Variants in SPOCK1 observed in about 807,000 individuals in gnomAD.
The protein encoded by SPOCK1 is SPARC (osteonectin), cwcv and kazal like domains proteoglycan 1, also known as testican-1.
A neutral mutation model predicts 55.3 loss-of-function variants in SPOCK1; 23 were observed. That is an observed-to-expected ratio of 0.42 (90% CI 0.30 to 0.59). SPOCK1 has a LOEUF of 0.59. SPOCK1 is among the 20% of genes least tolerant of loss of function. SPOCK1 has a pLI of 0.22. For missense variants in SPOCK1, 499 were observed against 552.5 expected (o/e 0.90, Z 0.97); for synonymous variants, 226 against 221.0 (o/e 1.02, Z -0.20).
chr5:137,289,865 T>C (rs1000439385), intron 2 of SPOCK1, among the ~76,000 whole-genome samples: 1 of 152,080 alleles, frequency 6.6e-6, no homozygotes, highest in African/African-American at 2.4e-5. Flanking sequence ...ACAGAAAGTA[T>C]GAATAGGCAC....
At chr5:137,043,341 A>C (rs1398234705) in intron 6 of SPOCK1, among the ~76,000 whole-genome samples, 4 of 152,204 alleles carry the variant, frequency 2.6e-5, no homozygotes, top group Non-Finnish European at 5.9e-5. Context: ...AAAAGAGATA[A>C]ATCTCTCATG....
chr5:137,112,598 C>T (rs759022386), intron 4 of SPOCK1, 37 bp from the exon 5 acceptor site: 31 of 1,605,300 alleles, frequency 1.9e-5, no homozygotes, highest in Non-Finnish European at 2.5e-5. Context: ...TTAGTTGAAG[C>T]TCCAGACCCT....
chr5:137,353,495 C>A (rs1750726172), intron 2 of SPOCK1, among the ~76,000 whole-genome samples: 1 of 152,126 alleles, frequency 6.6e-6, no homozygotes, highest in African/African-American at 2.4e-5. Context: ...CTCTGCTGAC[C>A]CCACACCTGC....
intron 2 of SPOCK1, among the ~76,000 whole-genome samples, chr5:137,325,787 G>C (rs140925804): frequency 6.6e-6 from 1 of 152,334 alleles, no homozygotes; most frequent in African/African-American, 2.4e-5. Flanking sequence ...TCCACAGAGT[G>C]ATGGGCAGTG....
chr5:137,255,968 G>C (rs1006891267), intron 3 of SPOCK1, among the ~76,000 whole-genome samples: 2 of 152,156 alleles, frequency 1.3e-5, no homozygotes, highest in Non-Finnish European at 2.9e-5. Flanking sequence ...ACTGTACACA[G>C]CACCCATCCT....
At chr5:137,321,741 G>C (rs939060437) in intron 2 of SPOCK1, among the ~76,000 whole-genome samples, 1 of 152,050 alleles carries the variant, frequency 6.6e-6, no homozygotes, top group African/African-American at 2.4e-5. Context: ...AGCCAGGCAT[G>C]GTAGCAGGTG....
intron 5 of SPOCK1, among the ~76,000 whole-genome samples, chr5:137,108,008 G>A (rs769982090): frequency 2.6e-5 from 4 of 152,126 alleles, no homozygotes; most frequent in African/African-American, 7.2e-5. Flanking sequence ...CTACACATGC[G>A]TCATGGTCTC....
intron 4 of SPOCK1, among the ~76,000 whole-genome samples, chr5:137,124,217 A>G (rs1580763135): frequency 1.3e-5 from 2 of 152,314 alleles, no homozygotes; most frequent in East Asian, 3.9e-4. Context: ...GCATATTTCA[A>G]TTAGTTTGCA....
At chr5:137,498,234 C>T in intron 2 of SPOCK1, 139 bp downstream of exon 2, 1 of 875,134 alleles carries the variant, frequency 1.1e-6, no homozygotes, top group Non-Finnish European at 1.5e-6. Context: ...CGACCAGCCC[C>T]CGCGGGAGAT....
At chr5:137,304,285 G>A (rs1757662481) in intron 2 of SPOCK1, among the ~76,000 whole-genome samples, 1 of 152,050 alleles carries the variant, frequency 6.6e-6, no homozygotes, top group African/African-American at 2.4e-5. Context: ...GCAATGTTCT[G>A]TTTATCTCTG....
At chr5:137,232,051 G>GT (rs1238352285) in intron 3 of SPOCK1, among the ~76,000 whole-genome samples, 1 of 152,090 alleles carries the variant, frequency 6.6e-6, no homozygotes, top group African/African-American at 2.4e-5. Context: ...AGATTGGCTT[G>GT]TTTTTTCACT....
At chr5:137,381,105 G>A (rs185067221) in intron 2 of SPOCK1, among the ~76,000 whole-genome samples, 17 of 151,516 alleles carry the variant, frequency 1.1e-4, no homozygotes, top group East Asian at 5.8e-4. Flanking sequence ...CAGGCCTCAC[G>A]CAAGTCCAAA....
rs115776985 is a variant in SPOCK1 at position 137,474,315 on chromosome 5, C to T, written c.186+24058G>A. On this transcript the variant is annotated intron_variant, in intron 2 of 10. Coordinates refer to ENST00000394945, the MANE Select transcript of SPOCK1 (RefSeq NM_004598.4). ...GTAATTCCTAGACTCTTGTATACAC[C>T]GTAGAATACAATAAATAAGTAAATG... is the stretch of plus-strand genomic sequence containing the variant. Among the ~76,000 whole-genome samples, 1,115 of 151,940 alleles carry T rather than the reference C, an allele frequency of 7.3e-3. 11 individuals carry two copies. The highest frequency in any genetic ancestry group is 0.025 in the African/African-American group (1,044 of 41,422).
intron 5 of SPOCK1, among the ~76,000 whole-genome samples, chr5:137,109,837 C>A (rs184125503): frequency 7.6e-4 from 115 of 152,308 alleles, no homozygotes; most frequent in African/African-American, 2.6e-3. Context: ...TAAAACAAGT[C>A]TCTCTCCAAC....
At chr5:137,137,995 A>G (rs1754021746) in intron 4 of SPOCK1, among the ~76,000 whole-genome samples, 1 of 152,138 alleles carries the variant, frequency 6.6e-6, no homozygotes, top group Admixed American at 6.5e-5. Flanking sequence ...ATACTCTGCA[A>G]GGATTCATAA....
At chr5:137,111,588 C>T (rs1412767512) in intron 5 of SPOCK1, among the ~76,000 whole-genome samples, 2 of 152,068 alleles carry the variant, frequency 1.3e-5, no homozygotes, top group African/African-American at 4.8e-5. Flanking sequence ...CTATGATTTC[C>T]CTTTAGTTCA....
At chr5:137,098,214 G>A (rs1753191664) in intron 5 of SPOCK1, among the ~76,000 whole-genome samples, 1 of 152,198 alleles carries the variant, frequency 6.6e-6, no homozygotes, top group African/African-American at 2.4e-5. Context: ...AGCATAGGAA[G>A]ATTAGGTAAT....
intron 2 of SPOCK1, among the ~76,000 whole-genome samples, chr5:137,296,807 G>A (rs915212214): frequency 6.6e-6 from 1 of 152,164 alleles, no homozygotes; most frequent in Non-Finnish European, 1.5e-5. Context: ...GGAGACTGGG[G>A]ACTTGGGATT....
chr5:137,424,988 G>C (rs1205545743), intron 2 of SPOCK1, among the ~76,000 whole-genome samples: 2 of 152,158 alleles, frequency 1.3e-5, no homozygotes, highest in Non-Finnish European at 2.9e-5. Flanking sequence ...CATTAAAATT[G>C]ATCTTTTAAA....
Sources: gnomAD v4.1 joint callset for allele counts (sites outside exome capture counted in the v4.1 genomes callset) on GRCh38, gnomAD v4.1.1 for gene constraint, MANE v1.5 for transcripts, NCBI Gene and HGNC (gene_info 2026-07-23, HGNC 2026-07-21) for gene names.